The following UNC5B variants were observed in gnomAD, a reference collection of about 807,000 sequenced individuals.
UNC5B encodes netrin receptor UNC5B.
In UNC5B, 56 loss-of-function variants were observed where a neutral mutation model predicts 103.7. That is an observed-to-expected ratio of 0.54 (90% CI 0.44 to 0.67). UNC5B has a LOEUF of 0.67. UNC5B is among the 30% of genes least tolerant of loss of function. The pLI is 0.00. For synonymous variants in UNC5B, 577 were observed against 542.0 expected (o/e 1.06, Z -0.90); for missense variants, 1,194 against 1,284.5 (o/e 0.93, Z 1.08).
Position 71,300,589 on chromosome 10 carries a change from C to T in UNC5B, c.*1312C>T, listed in dbSNP as rs761294248. On this transcript the variant is annotated 3_prime_UTR_variant, in exon 17 of 17. Coordinates refer to ENST00000335350, the MANE Select transcript of UNC5B (RefSeq NM_170744.5). ...CATCCCCTCCTCAGCCCAGCAGCCT[C>T]TAGAGCAGCGTGGTGCTCTCTTGAT... 13 of 152,456 alleles carry T rather than the reference C, an allele frequency of 8.5e-5. No individual in the cohort carries two copies. The highest frequency in any genetic ancestry group is 2.0e-4 in the Admixed American group (3 of 15,296). The allele number at this position is 152,456 out of a possible 1,614,324, so 9.4% of individuals were successfully genotyped here.
chr10:71,257,290 G>A (rs959682655), intron 1 of UNC5B, among the ~76,000 whole-genome samples: 7 of 152,226 alleles, frequency 4.6e-5, no homozygotes, highest in Non-Finnish European at 7.3e-5. Flanking sequence ...TTCTTAAATG[G>A]GACCGTTATG....
chr10:71,275,791 A>T (rs2132294815), intron 1 of UNC5B, among the ~76,000 whole-genome samples: 1 of 152,076 alleles, frequency 6.6e-6, no homozygotes, highest in East Asian at 1.9e-4. Flanking sequence ...GATATTTTTA[A>T]TGTGGGAGAC....
chr10:71,259,293 G>T (rs538384473), intron 1 of UNC5B, among the ~76,000 whole-genome samples: 1 of 151,920 alleles, frequency 6.6e-6, no homozygotes, highest in Admixed American at 6.6e-5. Flanking sequence ...GGAGGCTGAG[G>T]CAGGAGAATC....
At chr10:71,280,386 G>A (rs1030221310) in intron 2 of UNC5B, among the ~76,000 whole-genome samples, 13 of 152,242 alleles carry the variant, frequency 8.5e-5, no homozygotes, top group African/African-American at 3.1e-4. Flanking sequence ...GGCACCCCAC[G>A]GCACCGACCC....
chr10:71,241,392 C>T (rs1369449847), intron 1 of UNC5B, among the ~76,000 whole-genome samples: 1 of 152,176 alleles, frequency 6.6e-6, no homozygotes, highest in African/African-American at 2.4e-5. Flanking sequence ...CACATGAAGA[C>T]CTCCTCAAAT....
intron 8 of UNC5B, among the ~76,000 whole-genome samples, chr10:71,290,434 G>T (rs1845217334): frequency 1.3e-5 from 2 of 152,120 alleles, no homozygotes; most frequent in Admixed American, 1.3e-4. Context: ...CCCACCCTCA[G>T]AGCATGGAAT....
intron 2 of UNC5B, 93 bp downstream of exon 2, chr10:71,280,138 C>A: frequency 7.3e-7 from 1 of 1,376,738 alleles, no homozygotes. Flanking sequence ...AGCCATGGTG[C>A]CCCCTTGGAT....
chr10:71,284,465 G>A (rs1845011196), intron 2 of UNC5B, among the ~76,000 whole-genome samples: 1 of 152,230 alleles, frequency 6.6e-6, no homozygotes, highest in Non-Finnish European at 1.5e-5. Context: ...CACACCACTT[G>A]TGCATTTTGG....
chr10:71,291,187 C>T (rs1390599645), intron 9 of UNC5B, 78 bp downstream of exon 9: 17 of 1,508,142 alleles, frequency 1.1e-5, no homozygotes, highest in Non-Finnish European at 1.3e-5. Context: ...AGACCAGAGC[C>T]AGGCTCCTGA....
At chr10:71,282,547 C>G (rs1039047136) in intron 2 of UNC5B, among the ~76,000 whole-genome samples, 2 of 152,198 alleles carry the variant, frequency 1.3e-5, no homozygotes, top group East Asian at 1.9e-4. Context: ...CACACTCTTA[C>G]AGGTTCACAG....
chr10:71,221,005 T>TTTCCC (rs1843441852), intron 1 of UNC5B, among the ~76,000 whole-genome samples: 1 of 152,200 alleles, frequency 6.6e-6, no homozygotes, highest in African/African-American at 2.4e-5. Flanking sequence ...TGTGGGGTTT[T>TTTCCC]TGTCTGGTTC....
intron 1 of UNC5B, among the ~76,000 whole-genome samples, chr10:71,250,314 A>C (rs952064332): frequency 8.5e-5 from 13 of 152,248 alleles, no homozygotes; most frequent in Non-Finnish European, 1.6e-4. Flanking sequence ...ACCGGGTTGC[A>C]TGAGCTAGGC....
chr10:71,246,770 G>A (rs1844047256), intron 1 of UNC5B, among the ~76,000 whole-genome samples: 1 of 152,234 alleles, frequency 6.6e-6, no homozygotes, highest in Admixed American at 6.5e-5. Context: ...AGATAAAGCT[G>A]AGACTATATT....
chr10:71,269,741 C>T (rs1348982305), intron 1 of UNC5B, among the ~76,000 whole-genome samples: 1 of 152,006 alleles, frequency 6.6e-6, no homozygotes, highest in African/African-American at 2.4e-5. Flanking sequence ...AGACAGCAAG[C>T]TTACAAACAC....
At chr10:71,249,850 C>T (rs1302888751) in intron 1 of UNC5B, among the ~76,000 whole-genome samples, 1 of 152,194 alleles carries the variant, frequency 6.6e-6, no homozygotes, top group African/African-American at 2.4e-5. Flanking sequence ...GCACTGGCCA[C>T]GTATCCCAGT....
In UNC5B at chr10:71,286,704, A is replaced by T. The variant is rs1845093212; in HGVS notation, c.568A>T (p.Asn190Tyr). The T allele has an allele frequency of 2.5e-6, 4 of 1,614,036 alleles. No homozygotes were observed. The highest frequency in any genetic ancestry group is 3.4e-6 in the Non-Finnish European group (4 of 1,180,008). Residue 190 changes from asparagine (N) to tyrosine (Y), a missense_variant, in exon 5 of 17, where the codon AAT becomes TAT. Asn to Tyr is a moderately radical substitution (Grantham distance 143, BLOSUM62 -2). Transcript: ENST00000335350. ...ACTCTTGCAGGTGGAATGGCTCAAG[A>T]ATGAGGATGTCATCGACCCCACCCA... The part of the protein sequence containing the change: ...VPVAEVEWLK[N>Y]EDVIDPTQDT...
At chr10:71,295,123 A>G (rs975164357) in intron 13 of UNC5B, among the ~76,000 whole-genome samples, 9 of 152,180 alleles carry the variant, frequency 5.9e-5, no homozygotes, top group Non-Finnish European at 1.3e-4. Context: ...CATAGGTGAA[A>G]GGCCCATGGG....
At chr10:71,258,380 G>A (rs1844340437) in intron 1 of UNC5B, among the ~76,000 whole-genome samples, 1 of 152,180 alleles carries the variant, frequency 6.6e-6, no homozygotes, top group Non-Finnish European at 1.5e-5. Flanking sequence ...AGAAAGAGAG[G>A]GCTCACAAAT....
rs1391110348 is a variant in UNC5B at position 71,284,246 on chromosome 10, G to A, written c.305-474G>A. ...CTGGGAGGCCACCAGGCCCAGAGGA[G>A]ACAGAAGATTCCAGGCAGGGGACTG... On this transcript the variant is annotated intron_variant, in intron 2 of 16. Transcript: ENST00000335350. Among the ~76,000 whole-genome samples, 4 of 152,238 alleles carry A rather than the reference G, an allele frequency of 2.6e-5. No homozygotes were observed. In the South Asian group the frequency reaches 6.2e-4, roughly 24 times the overall value.
Sources: allele counts gnomAD v4.1 joint callset (sites outside exome capture counted in the v4.1 genomes callset), GRCh38; gene constraint gnomAD v4.1.1; transcripts MANE v1.5; gene names NCBI Gene and HGNC (gene_info 2026-07-23, HGNC 2026-07-21).